VTI1A: variants seen among roughly 807,000 people sequenced by gnomAD.
VTI1A encodes the protein vesicle transport through interaction with t-SNAREs homolog 1A.
VTI1A carries 22 observed loss-of-function variants against 34.9 expected under a neutral mutation model. That is an observed-to-expected ratio of 0.63 (90% CI 0.45 to 0.90). VTI1A has a LOEUF of 0.90. Among genes scored for constraint, VTI1A ranks in the 40% least tolerant of loss-of-function variants. VTI1A has a pLI of 0.00. For missense variants in VTI1A, 268 were observed against 275.6 expected (o/e 0.97, Z 0.20); for synonymous variants, 87 against 97.3 (o/e 0.89, Z 0.62).
At chr10:112,572,595 T>G (rs893397755) in intron 5 of VTI1A, among the ~76,000 whole-genome samples, 2 of 152,150 alleles carry the variant, frequency 1.3e-5, no homozygotes, top group Non-Finnish European at 2.9e-5. Context: ...TCCCAGCACT[T>G]TGGGAGGCTG....
At chr10:112,680,487 G>A (rs559150988) in intron 7 of VTI1A, among the ~76,000 whole-genome samples, 5 of 152,166 alleles carry the variant, frequency 3.3e-5, no homozygotes, top group South Asian at 2.1e-4. Context: ...GCATTCTGGC[G>A]GTAACACCAT....
At chr10:112,518,611 A>ATATATATATG (rs1491386126) in intron 3 of VTI1A, among the ~76,000 whole-genome samples, 1 of 134,186 alleles carries the variant, frequency 7.5e-6, no homozygotes, top group Admixed American at 7.8e-5. Flanking sequence ...ATATATATAT[A>ATATATATATG]TGTGTGTGTG....
chr10:112,661,769 T>G (rs1377559856), intron 5 of VTI1A, among the ~76,000 whole-genome samples: 3 of 146,896 alleles, frequency 2.0e-5, no homozygotes, highest in East Asian at 3.9e-4. Context: ...GTTAAGTTTT[T>G]TTTTTTTTTT....
Position 112,817,878 on chromosome 10 carries a change from G to T in VTI1A, c.*2495G>T, listed in dbSNP as rs1020610304. Reference sequence around the variant, plus strand: ...GTTGGGGGGAAGATGAAGGCATGGAGGAGGAAGAAGAGAAGGAAGCCCTTG... The same window carrying T: ...GTTGGGGGGAAGATGAAGGCATGGATGAGGAAGAAGAGAAGGAAGCCCTTG... On this transcript the variant is annotated 3_prime_UTR_variant, in exon 8 of 8. Coordinates refer to ENST00000393077, the MANE Select transcript of VTI1A (RefSeq NM_145206.4). 3.9e-5 allele frequency: 9 copies of T among 233,244 alleles called. No individual in the cohort carries two copies. The highest frequency in any genetic ancestry group is 1.8e-4 in the African/African-American group (8 of 45,334). 14.4% of individuals were successfully genotyped at this position (233,244 alleles called of 1,614,324 possible).
the VTI1A span, among the ~76,000 whole-genome samples, chr10:112,839,695 A>G: frequency 6.6e-6 from 1 of 152,036 alleles, no homozygotes; most frequent in South Asian, 2.1e-4. Context: ...TTTCCTTCTC[A>G]CTGCACCCCT....
chr10:112,658,297 G>C (rs1847311959), intron 5 of VTI1A, among the ~76,000 whole-genome samples: 1 of 151,926 alleles, frequency 6.6e-6, no homozygotes, highest in Non-Finnish European at 1.5e-5. Context: ...ATGTTGCTCA[G>C]GATGGTCTCA....
rs530288182 is a variant in VTI1A at position 112,565,692 on chromosome 10, C to T, written c.427+27362C>T. 7.9e-5 allele frequency among the ~76,000 whole-genome samples: 12 copies of T among 152,244 alleles called. No individual in the cohort carries two copies. In the East Asian group the frequency reaches 2.1e-3, roughly 27 times the overall value. On this transcript the variant is annotated intron_variant, in intron 5 of 7. Coordinates refer to ENST00000393077, the MANE Select transcript of VTI1A (RefSeq NM_145206.4). Reference sequence around the variant, plus strand: ...GTTAAAGAAATGTTTCTTGTGCTGCCAGTAGTACATGGAAATGGAAATGTG... The same window carrying T: ...GTTAAAGAAATGTTTCTTGTGCTGCTAGTAGTACATGGAAATGGAAATGTG...
intron 3 of VTI1A, among the ~76,000 whole-genome samples, chr10:112,518,677 A>G (rs1849898214): frequency 6.7e-6 from 1 of 150,008 alleles, no homozygotes; most frequent in Admixed American, 6.7e-5. Flanking sequence ...ATACACACAC[A>G]CACACATAAC....
rs986477202 is a variant in VTI1A at position 112,453,382 on chromosome 10, C to T, written c.94+5915C>T. Among the ~76,000 whole-genome samples the T allele has an allele frequency of 3.9e-5, 6 of 152,288 alleles. No individual in the cohort carries two copies. The South Asian group carries it at 1.0e-3, about 26-fold the overall frequency. On this transcript the variant is annotated intron_variant, in intron 1 of 7. Transcript: ENST00000393077. ...TGGAAGAAAATCATATATGCATAGC[C>T]TATACTTAAGGAGTGGAGAGTTACA...
At chr10:112,685,801 A>G (rs550577695) in intron 7 of VTI1A, among the ~76,000 whole-genome samples, 38 of 152,212 alleles carry the variant, frequency 2.5e-4, no homozygotes, top group African/African-American at 7.9e-4. Context: ...CTCTGTCCCA[A>G]TTCCCTTTGT....
chr10:112,822,115 AC>A (rs1853665223), downstream of VTI1A, among the ~76,000 whole-genome samples: 1 of 152,010 alleles, frequency 6.6e-6, no homozygotes, highest in Admixed American at 6.5e-5. Context: ...GGGAAGACAG[AC>A]CCACTACATG....
downstream of VTI1A, among the ~76,000 whole-genome samples, chr10:112,820,057 G>A (rs143235098): frequency 6.8e-4 from 103 of 152,310 alleles, no homozygotes; most frequent in African/African-American, 2.3e-3. Context: ...GCCACGGCGT[G>A]GGAGGTACCT....
the VTI1A span, among the ~76,000 whole-genome samples, chr10:112,828,305 A>C: frequency 1.3e-5 from 2 of 152,332 alleles, no homozygotes; most frequent in Admixed American, 6.5e-5. Flanking sequence ...CCAGTGGCAC[A>C]GTCAGTTAGC....
chr10:112,669,541 C>T (rs1847772225), intron 7 of VTI1A, among the ~76,000 whole-genome samples: 1 of 152,100 alleles, frequency 6.6e-6, no homozygotes, highest in Non-Finnish European at 1.5e-5. Flanking sequence ...TGTAACTCTA[C>T]CTTGATTGAT....
intron 3 of VTI1A, among the ~76,000 whole-genome samples, chr10:112,515,240 A>G (rs551632429): frequency 7.9e-5 from 12 of 152,184 alleles, no homozygotes; most frequent in African/African-American, 2.6e-4. Flanking sequence ...AGGATTAGCT[A>G]TAAAAGATCA....
chr10:112,566,961 T>C (rs1851924711), intron 5 of VTI1A, among the ~76,000 whole-genome samples: 1 of 152,170 alleles, frequency 6.6e-6, no homozygotes, highest in African/African-American at 2.4e-5. Context: ...AAGAAAATCA[T>C]ATTTGGACCT....
At chr10:112,743,265 A>G (rs1292549622) in intron 7 of VTI1A, among the ~76,000 whole-genome samples, 1 of 152,112 alleles carries the variant, frequency 6.6e-6, no homozygotes, top group African/African-American at 2.4e-5. Context: ...CCCATTATAA[A>G]TCGTCTTCAT....
At chr10:112,485,329 T>A (rs1848586345) in intron 3 of VTI1A, 2 of 151,796 alleles carry the variant, frequency 1.3e-5, no homozygotes, top group Non-Finnish European at 2.9e-5. Flanking sequence ...GTTTCTGAAA[T>A]GGTCCATTGA....
chr10:112,723,345 C>A (rs929498697), intron 7 of VTI1A, among the ~76,000 whole-genome samples: 3 of 152,192 alleles, frequency 2.0e-5, no homozygotes, highest in Non-Finnish European at 1.5e-5. Context: ...TAGCAACATA[C>A]TTCTCAGCTC....
Sources: gnomAD v4.1 joint callset for allele counts (sites outside exome capture counted in the v4.1 genomes callset) on GRCh38, gnomAD v4.1.1 for gene constraint, MANE v1.5 for transcripts, NCBI Gene and HGNC (gene_info 2026-07-23, HGNC 2026-07-21) for gene names.